Variants in ALPK1 observed in about 807,000 individuals in gnomAD.
ALPK1 encodes alpha-protein kinase 1.
In ALPK1, 110 loss-of-function variants were observed where a neutral mutation model predicts 120.6. That is an observed-to-expected ratio of 0.91 (90% confidence interval 0.78 to 1.07). The LOEUF (loss-of-function observed/expected upper bound fraction) is 1.07, where lower values mean the gene tolerates loss of function less well. Among genes scored for constraint, ALPK1 ranks in the 50% least tolerant of loss-of-function variants. The pLI, the probability that ALPK1 is intolerant of heterozygous loss-of-function variation, is 0.00. For missense variants in ALPK1, 1,498 were observed against 1,483.9 expected, an observed-to-expected ratio of 1.01 and a Z score of -0.16; for synonymous variants, 582 against 560.3, an observed-to-expected ratio of 1.04 and a Z score of -0.55.
chr4:112,359,559 A>G (rs527726460), intron 2 of ALPK1: 4 of 247,308 alleles, frequency 1.6e-5, no homozygotes, highest in South Asian at 5.9e-5. Context: ...CACGCCTCCT[A>G]TGCTCACCCA....
intron 2 of ALPK1, among the ~76,000 whole-genome samples, chr4:112,366,508 T>C (rs753132365): frequency 1.8e-4 from 28 of 152,314 alleles, no homozygotes; most frequent in Admixed American, 3.3e-4. Flanking sequence ...TGATACCACC[T>C]TACTCCTGCA....
intron 2 of ALPK1, among the ~76,000 whole-genome samples, chr4:112,369,579 G>A (rs1334341813): frequency 6.6e-6 from 1 of 152,172 alleles, no homozygotes; most frequent in Non-Finnish European, 1.5e-5. Flanking sequence ...GCTACTCAGA[G>A]GCTGAGGCAC....
chr4:112,373,528 G>A (rs1322053232), intron 2 of ALPK1, among the ~76,000 whole-genome samples: 1 of 152,156 alleles, frequency 6.6e-6, no homozygotes, highest in Non-Finnish European at 1.5e-5. Context: ...TTAAATTTGT[G>A]CAAGTGTACC....
At chr4:112,324,974 AG>A (rs200249583) in intron 2 of ALPK1, among the ~76,000 whole-genome samples, 48,854 of 113,268 alleles carry the variant, frequency 0.43, 9,374 homozygotes, top group East Asian at 0.61. Flanking sequence ...ACCAAAAAAA[AG>A]GGGGGGGGGG....
In ALPK1 at chr4:112,439,773, G is replaced by A; in HGVS notation, c.3439G>A (p.Val1147Met). 1.2e-6 allele frequency: 2 copies of A among 1,613,658 alleles called. No homozygotes were observed. Among genetic ancestry groups the A allele is most frequent in the Non-Finnish European group, 1.7e-6 (2 of 1,179,840 alleles). Reference sequence around the variant, plus strand: ...TGTAAAATTGTCAAATAACACGAAAGTGGTGAAAACAGAATACAAAGCCAC... The same window carrying A: ...TGTAAAATTGTCAAATAACACGAAAATGGTGAAAACAGAATACAAAGCCAC... ...EFVKLSNNTK[V>M]VKTEYKATEY... The change falls in exon 14 of 16, where the codon GTG becomes ATG. Residue 1147 changes from valine (V) to methionine (M), a missense_variant. Physicochemically the swap from Val to Met is conservative, Grantham distance 21. Transcript: ENST00000650871.
At chr4:112,410,506 G>C in intron 4 of ALPK1, among the ~76,000 whole-genome samples, 1 of 152,214 alleles carries the variant, frequency 6.6e-6, no homozygotes, top group East Asian at 1.9e-4. Context: ...AGGATTATGT[G>C]GTGATGAAAG....
chr4:112,359,722 A>C (rs905584482), intron 2 of ALPK1: 1 of 284,744 alleles, frequency 3.5e-6, no homozygotes. Context: ...TCCCACGGGC[A>C]TGCAGTATCT....
intron 2 of ALPK1, among the ~76,000 whole-genome samples, chr4:112,349,455 A>G (rs986050719): frequency 2.8e-4 from 42 of 151,656 alleles, no homozygotes; most frequent in African/African-American, 9.9e-4. Flanking sequence ...AGCACTCACT[A>G]TGTGCTAGGC....
intron 2 of ALPK1, among the ~76,000 whole-genome samples, chr4:112,334,584 T>C (rs972768644): frequency 6.6e-6 from 1 of 152,172 alleles, no homozygotes; most frequent in African/African-American, 2.4e-5. Flanking sequence ...TATCAAATTT[T>C]AAGGTGGTTT....
In ALPK1 at chr4:112,441,041, G is replaced by A; in HGVS notation, c.3663G>A (p.Gln1221=). ...GAATTTTTTACTTCTTTAATAACCA[G>A]CATGTGGAATGTAATGAAATCTGCC... ...KRGIFYFFNN[Q]HVECNEICHR... The change falls in exon 15 of 16, where the codon CAG becomes CAA. Residue 1221 remains glutamine (Q), a synonymous_variant. Transcript: ENST00000650871. 1.9e-6 allele frequency: 3 copies of A among 1,613,926 alleles called. No homozygotes were observed. The highest frequency in any genetic ancestry group is 4.5e-5 in the East Asian group (2 of 44,882).
chr4:112,435,092 A>G (rs1734730429), intron 11 of ALPK1, 56 bp from the exon 12 acceptor site: 3 of 1,555,596 alleles, frequency 1.9e-6, no homozygotes, highest in African/African-American at 1.4e-5. Flanking sequence ...AGCTTTATTC[A>G]TGAATTGTAA....
In ALPK1 at chr4:112,431,463, A is replaced by G. The variant is rs1734547539; in HGVS notation, c.1916A>G (p.His639Arg). 1.9e-6 allele frequency: 3 copies of G among 1,614,122 alleles called. No homozygotes were observed. The South Asian group carries it at 3.3e-5, about 18-fold the overall frequency. Residue 639 changes from histidine (H) to arginine (R), a missense_variant, in exon 11 of 16, where the codon CAT becomes CGT. Physicochemically the swap from His to Arg is conservative, Grantham distance 29. Coordinates refer to ENST00000650871, the MANE Select transcript of ALPK1 (RefSeq NM_025144.4). ...LENDREGRAM[H>R]SLHSQLHDLS... is the part of the protein sequence containing the mutation. ...AATGACAGGGAAGGCAGAGCTATGC[A>G]TTCATTGCATTCACAGCTTCATGAT...
chr4:112,330,108 A>G (rs918611161), intron 2 of ALPK1, among the ~76,000 whole-genome samples: 10 of 152,242 alleles, frequency 6.6e-5, no homozygotes, highest in African/African-American at 2.4e-4. Context: ...GGGTCCTGGA[A>G]ACCTGTGTTG....
chr4:112,410,262 C>A (rs1412985938), intron 4 of ALPK1, among the ~76,000 whole-genome samples: 1 of 152,168 alleles, frequency 6.6e-6, no homozygotes. Flanking sequence ...GTCAGGACAA[C>A]AAGGGAGCAT....
rs571561841 is a variant in ALPK1 at position 112,364,480 on chromosome 4, T to G, written c.-100-13198T>G. Among the ~76,000 whole-genome samples the G allele has an allele frequency of 8.9e-4, 136 of 152,136 alleles. 1 individual carries two copies. Among genetic ancestry groups the G allele is most frequent in the Non-Finnish European group, 1.5e-3 (102 of 67,952 alleles). ...AACCTAGAGGAGATGGATAATTTCC[T>G]AGAAATATACAACCCTCCTAGATTA... On this transcript the variant is annotated intron_variant, in intron 2 of 15. Transcript: ENST00000650871.
chr4:112,347,740 A>G (rs1171603569), intron 2 of ALPK1, among the ~76,000 whole-genome samples: 1 of 152,270 alleles, frequency 6.6e-6, no homozygotes, highest in Non-Finnish European at 1.5e-5. Context: ...TTACAGATAC[A>G]GTGCATCTTA....
At chr4:112,406,240 G>A (rs1328670729) in intron 4 of ALPK1, among the ~76,000 whole-genome samples, 1 of 152,158 alleles carries the variant, frequency 6.6e-6, no homozygotes, top group Non-Finnish European at 1.5e-5. Flanking sequence ...TTCATTGATG[G>A]ATGGATGAAT....
chr4:112,425,547 G>C (rs1734198882), intron 6 of ALPK1, 118 bp from the exon 7 acceptor site: 3 of 810,540 alleles, frequency 3.7e-6, no homozygotes, highest in Non-Finnish European at 6.1e-6. Flanking sequence ...TAAATGTAGA[G>C]ACGAGATTGT....
chr4:112,316,297 T>G (rs939481522), intron 2 of ALPK1: 1 of 152,262 alleles, frequency 6.6e-6, no homozygotes, highest in African/African-American at 2.4e-5. Flanking sequence ...ATGCTGTATT[T>G]GTCCTTTTGT....
Sources: allele counts gnomAD v4.1 joint callset (sites outside exome capture counted in the v4.1 genomes callset), GRCh38; gene constraint gnomAD v4.1.1; transcripts MANE v1.5; gene names NCBI Gene and HGNC (gene_info 2026-07-23, HGNC 2026-07-21).